FAM81B: variants seen among roughly 807,000 people sequenced by gnomAD.
FAM81B encodes the protein family with sequence similarity 81 member B.
FAM81B carries 60 observed loss-of-function variants against 58.7 expected under a neutral mutation model. That is an observed-to-expected ratio of 1.02 (90% CI 0.83 to 1.27). The LOEUF (loss-of-function observed/expected upper bound fraction) is 1.27, where lower values mean the gene tolerates loss of function less well. Ranked by LOEUF, FAM81B falls within the 50% of genes most tolerant of loss-of-function variation. The probability of loss-of-function intolerance (pLI) is 0.00; values close to 1 mark genes in which losing one functional copy is unlikely to be tolerated. For synonymous variants in FAM81B, 189 were observed against 179.6 expected, an observed-to-expected ratio of 1.05 and a Z score of -0.42; for missense variants, 491 against 522.0, an observed-to-expected ratio of 0.94 and a Z score of 0.58.
Position 95,414,032 on chromosome 5 carries a change from T to C in FAM81B, c.379T>C (p.Phe127Leu). The C allele has an allele frequency of 6.2e-7, 1 of 1,613,914 alleles. No individual in the cohort carries two copies. The highest frequency in any genetic ancestry group is 2.2e-5 in the East Asian group (1 of 44,874). The change falls in exon 4 of 10, where the codon TTC (phenylalanine) becomes CTC (leucine). Residue 127 changes from phenylalanine to leucine, a missense_variant. Transcript: ENST00000283357. ...GAACAACCAGGCGCGTACCATAGCT[T>C]TCCTTCTTGAACAAGCCTTCCGCAT... ...RLNNQARTIA[F>L]LLEQAFRIKE...
At chr5:95,443,190 G>A (rs1745432184) in intron 7 of FAM81B, among the ~76,000 whole-genome samples, 1 of 152,034 alleles carries the variant, frequency 6.6e-6, no homozygotes, top group South Asian at 2.1e-4. Flanking sequence ...GGCGGACCCT[G>A]GCTGCCTTCA....
chr5:95,438,393 A>T (rs1475335106), intron 7 of FAM81B, among the ~76,000 whole-genome samples: 1 of 152,212 alleles, frequency 6.6e-6, no homozygotes, highest in Non-Finnish European at 1.5e-5. Context: ...TGGGATTTAT[A>T]AACTGAAATG....
intron 9 of FAM81B, 194 bp downstream of exon 9, chr5:95,448,658 C>A: frequency 1.6e-6 from 1 of 619,208 alleles, no homozygotes. Context: ...TAACTTTCTT[C>A]ACTTGGCAAT....
Position 95,426,864 on chromosome 5 carries a change from C to T in FAM81B, c.657-1739C>T, listed in dbSNP as rs574950036. ...GAGCTCGAGACCATCCTGGCTAAGACGGTGAAACCCCGTCTCTACTAAAAA... is the reference window on the plus strand; with the variant it reads ...GAGCTCGAGACCATCCTGGCTAAGATGGTGAAACCCCGTCTCTACTAAAAA... On this transcript the variant is annotated intron_variant, in intron 5 of 9. Coordinates refer to ENST00000283357, the MANE Select transcript of FAM81B (RefSeq NM_152548.3). Among the ~76,000 whole-genome samples, 553 of 152,178 alleles carry T rather than the reference C, an allele frequency of 3.6e-3. 2 individuals carry two copies. Among genetic ancestry groups the T allele is most frequent in the Middle Eastern group, 6.8e-3 (2 of 294 alleles).
At chr5:95,397,094 A>T (rs1439520318) in intron 3 of FAM81B, 1 of 152,242 alleles carries the variant, frequency 6.6e-6, no homozygotes, top group Non-Finnish European at 1.5e-5. Context: ...AATTAAGATG[A>T]TAAGATTTCT....
intron 5 of FAM81B, among the ~76,000 whole-genome samples, chr5:95,426,097 T>TATATATATATAC (rs1489631563): frequency 1.0e-5 from 1 of 95,296 alleles, no homozygotes; most frequent in Non-Finnish European, 2.2e-5. Flanking sequence ...TCTGTGTGTA[T>TATATATATATAC]ATATATATAT....
intron 4 of FAM81B, among the ~76,000 whole-genome samples, chr5:95,418,618 T>C (rs539097527): frequency 1.3e-5 from 2 of 152,268 alleles, no homozygotes; most frequent in African/African-American, 4.8e-5. Flanking sequence ...TTATCATAGG[T>C]ATGTATGTAT....
chr5:95,429,321 T>G (rs1744779998), intron 6 of FAM81B, among the ~76,000 whole-genome samples: 1 of 152,202 alleles, frequency 6.6e-6, no homozygotes, highest in Non-Finnish European at 1.5e-5. Flanking sequence ...CTGCCTGAAG[T>G]GTCTCTTTTT....
intron 6 of FAM81B, among the ~76,000 whole-genome samples, chr5:95,432,552 T>A (rs1005321140): frequency 4.6e-5 from 7 of 152,196 alleles, no homozygotes; most frequent in African/African-American, 1.7e-4. Flanking sequence ...TTTTTTATAT[T>A]TATTTTTTTG....
chr5:95,392,790 C>T lies in FAM81B; in HGVS notation c.125-4C>T. On this transcript the variant is annotated splice_region_variant and splice_polypyrimidine_tract_variant and intron_variant, in intron 1 of 9. Coordinates refer to ENST00000283357, the MANE Select transcript of FAM81B (RefSeq NM_152548.3). Reference sequence around the variant, plus strand: ...TGACCTGATTCAGCATTCTGGTTACCTAGATACAAATGTAAACAAAAGTGC... The same window carrying T: ...TGACCTGATTCAGCATTCTGGTTACTTAGATACAAATGTAAACAAAAGTGC... The T allele has an allele frequency of 6.2e-7, 1 of 1,605,084 alleles. No individual in the cohort carries two copies. The highest frequency in any genetic ancestry group is 8.5e-7 in the Non-Finnish European group (1 of 1,175,218).
chr5:95,404,693 AT>A (rs1762200252), intron 3 of FAM81B, among the ~76,000 whole-genome samples: 1 of 152,166 alleles, frequency 6.6e-6, no homozygotes, highest in South Asian at 2.1e-4. Flanking sequence ...ATCAACAAAT[AT>A]TTATTGACTG....
intron 3 of FAM81B, 142 bp from the exon 4 acceptor site, chr5:95,413,805 C>A: frequency 1.4e-6 from 2 of 1,390,116 alleles, no homozygotes; most frequent in African/African-American, 1.4e-5. Context: ...CAAATTCTAA[C>A]CATGGCAAGT....
At chr5:95,432,723 C>A (rs778059024) in intron 6 of FAM81B, among the ~76,000 whole-genome samples, 18 of 151,924 alleles carry the variant, frequency 1.2e-4, no homozygotes, top group Non-Finnish European at 2.1e-4. Flanking sequence ...TTAATTCTCT[C>A]TGCTTTTATT....
chr5:95,427,755 T>C (rs1762886397), intron 5 of FAM81B, among the ~76,000 whole-genome samples: 1 of 152,152 alleles, frequency 6.6e-6, no homozygotes, highest in African/African-American at 2.4e-5. Context: ...AAAGATAAAG[T>C]CCTTCAGTGC....
rs543889838 is a variant in FAM81B, at chr5:95,398,488, G to A, written c.293+2313G>A. Among the ~76,000 whole-genome samples the A allele has an allele frequency of 1.3e-5, 2 of 151,906 alleles. 1 individual carries two copies. The highest frequency in any genetic ancestry group is 4.8e-5 in the African/African-American group (2 of 41,344). ...GCCTTCAACTCATAGTTTTCATTGGGTGACAACAAATGGATTGACATGCAA... is the reference window on the plus strand; with the variant it reads ...GCCTTCAACTCATAGTTTTCATTGGATGACAACAAATGGATTGACATGCAA... On this transcript the variant is annotated intron_variant, in intron 3 of 9. Coordinates refer to ENST00000283357, the MANE Select transcript of FAM81B (RefSeq NM_152548.3).
chr5:95,417,057 A>G (rs1762556130), intron 4 of FAM81B, among the ~76,000 whole-genome samples: 2 of 152,188 alleles, frequency 1.3e-5, no homozygotes, highest in African/African-American at 4.8e-5. Context: ...AAATAATTTA[A>G]GAAAGAAATA....
At position 95,391,379 on chromosome 5, in the gene FAM81B, C is replaced by A. The variant is rs1761809923; in HGVS notation, c.-11C>A. 6.2e-7 allele frequency: 1 copy of A among 1,611,408 alleles called. No individual in the cohort carries two copies. The highest frequency in any genetic ancestry group is 1.1e-5 in the South Asian group (1 of 90,770). Reference sequence around the variant, plus strand: ...GGAAGAGGCCCCAGAAACAGGAAGACCTTAGTTAGGATGCAATTACAATTC... The same window carrying A: ...GGAAGAGGCCCCAGAAACAGGAAGAACTTAGTTAGGATGCAATTACAATTC... On this transcript the variant is annotated 5_prime_UTR_variant, in exon 1 of 10. Transcript: ENST00000283357.
At chr5:95,435,059 T>C (rs928417892) in intron 6 of FAM81B, among the ~76,000 whole-genome samples, 14 of 152,182 alleles carry the variant, frequency 9.2e-5, no homozygotes, top group Non-Finnish European at 1.5e-4. Flanking sequence ...CTAAGATTAT[T>C]TCAGTGAGTT....
At chr5:95,422,581 C>T (rs1762715595) in intron 5 of FAM81B, among the ~76,000 whole-genome samples, 1 of 152,072 alleles carries the variant, frequency 6.6e-6, no homozygotes, top group African/African-American at 2.4e-5. Context: ...CTCCCAGGTT[C>T]AAACAATTAT....
Sources: gnomAD v4.1 joint callset for allele counts (sites outside exome capture counted in the v4.1 genomes callset) on GRCh38, gnomAD v4.1.1 for gene constraint, MANE v1.5 for transcripts, NCBI Gene and HGNC (gene_info 2026-07-23, HGNC 2026-07-21) for gene names.